The following LRFN5 variants were observed in gnomAD, a reference collection of about 807,000 sequenced individuals.
LRFN5 encodes leucine rich repeat and fibronectin type III domain containing 5.
LRFN5 carries 24 observed loss-of-function variants against 45.6 expected under a neutral mutation model. That is an observed-to-expected ratio of 0.53 (90% confidence interval 0.38 to 0.74). LRFN5 has a LOEUF of 0.74. LRFN5 is among the 30% of genes least tolerant of loss of function. The probability of loss-of-function intolerance (pLI) is 0.00; values close to 1 mark genes in which losing one functional copy is unlikely to be tolerated. For missense variants in LRFN5, 776 were observed against 861.5 expected (o/e 0.90, Z 1.24); for synonymous variants, 340 against 313.8 (o/e 1.08, Z -0.88).
intron 2 of LRFN5, among the ~76,000 whole-genome samples, chr14:41,841,544 A>G (rs1888859866): frequency 6.6e-6 from 1 of 151,882 alleles, no homozygotes; most frequent in African/African-American, 2.4e-5. Context: ...ACATGTCAGT[A>G]ATTTATTATT....
chr14:41,642,304 G>A (rs746719655), intron 1 of LRFN5, among the ~76,000 whole-genome samples: 16 of 152,082 alleles, frequency 1.1e-4, no homozygotes, highest in Non-Finnish European at 5.9e-5. Flanking sequence ...AGAGTAAAAG[G>A]TTGTTTGTGT....
chr14:41,704,622 A>C (rs1269763259), intron 1 of LRFN5, among the ~76,000 whole-genome samples: 1 of 151,828 alleles, frequency 6.6e-6, no homozygotes, highest in African/African-American at 2.4e-5. Flanking sequence ...CCACACCTGG[A>C]TAGACTTATT....
Position 41,607,071 on chromosome 14 carries a change from C to T in LRFN5, c.-1688C>T, listed in dbSNP as rs1443452867. Among the ~76,000 whole-genome samples the T allele has an allele frequency of 6.6e-6, 1 of 152,144 alleles. No homozygotes were observed. The highest frequency in any genetic ancestry group is 1.5e-5 in the Non-Finnish European group (1 of 68,012). The stretch of plus-strand genomic sequence containing the variant: ...CCAGCGCGGTGGCCAGCGGGCGGGG[C>T]GCTGTGTTCCGCGGCGCGCAGGGAG... On this transcript the variant is annotated 5_prime_UTR_variant, in exon 1 of 6. Transcript: ENST00000298119.
At position 41,694,027 on chromosome 14, in the gene LRFN5, A is replaced by G. The variant is rs531490807; in HGVS notation, c.-196-72827A>G. Among the ~76,000 whole-genome samples, 3 of 152,084 alleles carry G rather than the reference A, an allele frequency of 2.0e-5. No individual in the cohort carries two copies. In the East Asian group the frequency reaches 5.8e-4, roughly 29 times the overall value. On this transcript the variant is annotated intron_variant, in intron 1 of 5. Transcript: ENST00000298119. The stretch of plus-strand genomic sequence containing the variant: ...TTTCTGCAGCTATTGAAATGTTTGT[A>G]TATGTTTTTTGCTTATTAATACCAT...
chr14:41,825,593 G>A (rs1888266432), intron 2 of LRFN5, among the ~76,000 whole-genome samples: 1 of 152,212 alleles, frequency 6.6e-6, no homozygotes, highest in Non-Finnish European at 1.5e-5. Flanking sequence ...GCTCTCGTTG[G>A]CCCTTTGTGG....
intron 2 of LRFN5, among the ~76,000 whole-genome samples, chr14:41,784,808 T>C (rs1434046760): frequency 3.3e-5 from 5 of 152,070 alleles, no homozygotes; most frequent in African/African-American, 1.2e-4. Flanking sequence ...TTTGTATTTT[T>C]AGTAGAGACA....
intron 2 of LRFN5, among the ~76,000 whole-genome samples, chr14:41,809,288 A>G (rs1337353977): frequency 1.3e-5 from 2 of 152,132 alleles, no homozygotes; most frequent in African/African-American, 4.8e-5. Context: ...ATGAAAAGTG[A>G]CTATAACAAT....
At chr14:41,781,670 GAAAGAAAGAA>G (rs1384030423) in intron 2 of LRFN5, among the ~76,000 whole-genome samples, 16 of 145,798 alleles carry the variant, frequency 1.1e-4, no homozygotes, top group African/African-American at 3.9e-4. Context: ...AGAAAGGAAA[GAAAGAAAGAA>G]AGAGAAAGAA....
chr14:41,630,647 C>T (rs770745955), intron 1 of LRFN5, among the ~76,000 whole-genome samples: 2 of 151,978 alleles, frequency 1.3e-5, no homozygotes, highest in Non-Finnish European at 2.9e-5. Flanking sequence ...GCACTATATA[C>T]TTTTGAGAGA....
At chr14:41,892,459 AT>A (rs1221523362) in intron 4 of LRFN5, 3 of 982,750 alleles carry the variant, frequency 3.1e-6, no homozygotes, top group Non-Finnish European at 3.6e-6. Flanking sequence ...AAAAATGAAA[AT>A]TGTTGTAGAA....
chr14:41,610,683 A>AAAAAAAAAAAAAAGG (rs1887720009), intron 1 of LRFN5, among the ~76,000 whole-genome samples: 1 of 144,660 alleles, frequency 6.9e-6, no homozygotes, highest in Non-Finnish European at 1.5e-5. Flanking sequence ...AAAAAAAAAA[A>AAAAAAAAAAAAAAGG]GTGTATTGCC....
At chr14:41,657,304 G>A (rs553571756) in intron 1 of LRFN5, among the ~76,000 whole-genome samples, 8 of 151,910 alleles carry the variant, frequency 5.3e-5, no homozygotes, top group South Asian at 4.1e-4. Context: ...CCCACAAGAT[G>A]GATACAGGAT....
intron 2 of LRFN5, among the ~76,000 whole-genome samples, chr14:41,804,337 C>A (rs1887445415): frequency 6.6e-6 from 1 of 151,820 alleles, no homozygotes; most frequent in Non-Finnish European, 1.5e-5. Context: ...GGGTAGGGCC[C>A]ACAGGACAAG....
At chr14:41,678,018 T>C (rs1314374631) in intron 1 of LRFN5, among the ~76,000 whole-genome samples, 5 of 151,974 alleles carry the variant, frequency 3.3e-5, no homozygotes, top group Non-Finnish European at 7.4e-5. Context: ...GTCATGATAA[T>C]TTAAAAAGAA....
intron 1 of LRFN5, among the ~76,000 whole-genome samples, chr14:41,723,270 G>C (rs1883801367): frequency 1.3e-5 from 2 of 152,266 alleles, no homozygotes; most frequent in Non-Finnish European, 2.9e-5. Context: ...GTGTGGCTCA[G>C]GCTGCTGAGC....
In LRFN5 at chr14:41,668,635, A is replaced by G. The variant is rs771522089; in HGVS notation, c.-197+60073A>G. 4.5e-4 allele frequency among the ~76,000 whole-genome samples: 69 copies of G among 152,334 alleles called. 2 individuals are homozygous for G. Among genetic ancestry groups the G allele is most frequent in the South Asian group, 1.4e-3 (7 of 4,834 alleles). ...CATAAAACTTCAGAATTTTTCAGAC[A>G]AAATGCTGTCCCCAAGACTGCTTTT... On this transcript the variant is annotated intron_variant, in intron 1 of 5. Coordinates refer to ENST00000298119, the MANE Select transcript of LRFN5 (RefSeq NM_152447.5).
chr14:41,888,721 A>G, intron 3 of LRFN5, among the ~76,000 whole-genome samples: 1 of 152,066 alleles, frequency 6.6e-6, no homozygotes, highest in East Asian at 1.9e-4. Flanking sequence ...TTGAGCAGTG[A>G]AAGTATCACT....
chr14:41,766,129 C>T (rs905998980), intron 1 of LRFN5, among the ~76,000 whole-genome samples: 5 of 151,946 alleles, frequency 3.3e-5, no homozygotes, highest in Non-Finnish European at 5.9e-5. Flanking sequence ...ATTTCAAGAA[C>T]GTTTTAAAAA....
intron 2 of LRFN5, among the ~76,000 whole-genome samples, chr14:41,790,801 C>T (rs1477988960): frequency 6.8e-6 from 1 of 147,480 alleles, no homozygotes; most frequent in Non-Finnish European, 1.5e-5. Flanking sequence ...TATGTTAAGA[C>T]AATGCCTTAT....
Sources: gnomAD v4.1 joint callset for allele counts (sites outside exome capture counted in the v4.1 genomes callset) on GRCh38, gnomAD v4.1.1 for gene constraint, MANE v1.5 for transcripts, NCBI Gene and HGNC (gene_info 2026-07-23, HGNC 2026-07-21) for gene names.